The following BRWD1 variants were observed in gnomAD, a reference collection of about 807,000 sequenced individuals.
BRWD1 encodes bromodomain and WD repeat domain containing 1.
A neutral mutation model predicts 251.2 loss-of-function variants in BRWD1; 82 were observed. The observed-to-expected ratio is 0.33, with a 90% CI of 0.27 to 0.39. The LOEUF (loss-of-function observed/expected upper bound fraction) is 0.39, where lower values mean the gene tolerates loss of function less well. Ranked by LOEUF, BRWD1 falls within the 10% of genes least tolerant of loss-of-function variation. The pLI is 1.00. For missense variants in BRWD1, 2,233 were observed against 2,711.6 expected (o/e 0.82, Z 3.92); for synonymous variants, 918 against 902.8 (o/e 1.02, Z -0.30).
chr21:39,184,273 TA>T (rs1175684762), downstream of BRWD1: 7 of 152,208 alleles, frequency 4.6e-5, no homozygotes, highest in Admixed American at 4.6e-4. Context: ...TTTATGAGTG[TA>T]AAAAATAGTG....
chr21:39,255,313 G>A (rs573475509), intron 19 of BRWD1, among the ~76,000 whole-genome samples: 11 of 152,188 alleles, frequency 7.2e-5, no homozygotes, highest in Non-Finnish European at 1.2e-4. Flanking sequence ...TCAGGAGGCT[G>A]AGGCAGGAGA....
chr21:39,217,410 A>G (rs1029654740), intron 31 of BRWD1: 2 of 200,538 alleles, frequency 1.0e-5, no homozygotes, highest in Non-Finnish European at 2.0e-5. Context: ...CACAAAAATT[A>G]TTTTTAAATG....
In BRWD1 at chr21:39,189,791, A is replaced by C; in HGVS notation, c.*6468T>G. ...AAACAGTTTTAGAAATATATATAGGATATTTCAGGGTTAGAAGTCAAATTT... is the reference window on the plus strand; with the variant it reads ...AAACAGTTTTAGAAATATATATAGGCTATTTCAGGGTTAGAAGTCAAATTT... On this transcript the variant is annotated 3_prime_UTR_variant, in exon 41 of 41. Coordinates refer to ENST00000342449, the MANE Select transcript of BRWD1 (RefSeq NM_033656.4). 1.0e-6 allele frequency: 1 copy of C among 985,134 alleles called. No homozygotes were observed. The highest frequency in any genetic ancestry group is 1.7e-5 in the African/African-American group (1 of 57,334). The allele number at this position is 985,134 out of a possible 1,614,324, so 61.0% of individuals were successfully genotyped here.
At position 39,271,408 on chromosome 21, in the gene BRWD1, G is replaced by A. The variant is rs114213477; in HGVS notation, c.1245-975C>T. Among the ~76,000 whole-genome samples, 1,406 of 151,898 alleles carry A rather than the reference G, an allele frequency of 9.3e-3. 22 individuals carry two copies. Among genetic ancestry groups the A allele is most frequent in the African/African-American group, 0.032 (1,341 of 41,408 alleles). On this transcript the variant is annotated intron_variant, in intron 13 of 40. Transcript: ENST00000342449. ...TACGTTTTAAGAAATTACAAGCATC[G>A]GCCGGGCACGGTGGCTCATGCCTGT...
chr21:39,220,303 A>AG (rs921360547), intron 29 of BRWD1, among the ~76,000 whole-genome samples: 6 of 152,146 alleles, frequency 3.9e-5, no homozygotes, highest in Admixed American at 3.3e-4. Context: ...ATGCACAAAA[A>AG]GGCCAGCACC....
chr21:39,210,180 T>G lies in BRWD1; in HGVS notation c.4045-33A>C, dbSNP rs754293548. ...TTAAACACAATATTTAATTCATAGA[T>G]TCATTTCTTGCTTTTAGAAATGTAA... On this transcript the variant is annotated intron_variant, in intron 35 of 40. Transcript: ENST00000342449. The G allele has an allele frequency of 3.9e-6, 6 of 1,523,294 alleles. No individual in the cohort carries two copies. In the South Asian group the frequency reaches 7.4e-5, roughly 19 times the overall value. 94.4% of individuals were successfully genotyped at this position (1,523,294 alleles called of 1,614,324 possible). A position where few individuals can be genotyped will look rare whatever the true frequency, so the allele number is the denominator to read the frequency against.
intron 7 of BRWD1, among the ~76,000 whole-genome samples, chr21:39,294,728 T>C (rs1001085169): frequency 2.6e-5 from 4 of 151,768 alleles, no homozygotes; most frequent in Non-Finnish European, 5.9e-5. Flanking sequence ...GGAACAGATC[T>C]ATACTTCATA....
intron 5 of BRWD1, chr21:39,297,700 T>C (rs1304263031): frequency 2.8e-5 from 8 of 287,778 alleles, no homozygotes; most frequent in Non-Finnish European, 4.2e-5. Flanking sequence ...TTAAGCTTTA[T>C]ACTGGTGGTG....
intron 4 of BRWD1, among the ~76,000 whole-genome samples, chr21:39,303,951 G>A (rs1446691562): frequency 2.0e-5 from 3 of 151,446 alleles, no homozygotes; most frequent in Non-Finnish European, 4.4e-5. Flanking sequence ...AGACCAGCCT[G>A]GCCAACGTGG....
chr21:39,314,545 G>T (rs569306468), upstream of BRWD1: 1 of 348,802 alleles, frequency 2.9e-6, no homozygotes, highest in Non-Finnish European at 5.7e-6. Flanking sequence ...TAGGATGTGA[G>T]GTTGGAGAGG....
rs1331987305 is a variant in BRWD1 at position 39,229,304 on chromosome 21, A to G, written c.3125+8T>C. The G allele has an allele frequency of 1.3e-6, 2 of 1,581,532 alleles. No homozygotes were observed. The highest frequency in any genetic ancestry group is 2.2e-5 in the East Asian group (1 of 44,482). On this transcript the variant is annotated splice_region_variant and intron_variant, in intron 26 of 40. Transcript: ENST00000342449. ...TTAAGTAATTCCATTTTAAAAAATA[A>G]TACATACCTAATAGAGAAAGATTTG...
At chr21:39,285,095 A>G (rs7276559) in intron 8 of BRWD1, among the ~76,000 whole-genome samples, 141,133 of 152,284 alleles carry the variant, frequency 0.93, 65,746 homozygotes, top group African/African-American at 0.97. Context: ...CAGATGAATG[A>G]ACAAAGAAAA....
intron 23 of BRWD1, among the ~76,000 whole-genome samples, chr21:39,233,999 G>A (rs8127379): frequency 0.47 from 71,365 of 152,042 alleles, 16,937 homozygotes; most frequent in Admixed American, 0.53. Flanking sequence ...CAGCCTGGGT[G>A]ACAGAGTAAG....
At chr21:39,258,696 A>G in intron 17 of BRWD1, 24 bp from the exon 18 acceptor site, 1 of 1,459,508 alleles carries the variant, frequency 6.9e-7, no homozygotes, top group Non-Finnish European at 9.1e-7. Context: ...TATTTAATAT[A>G]TAATCATATA....
At chr21:39,205,592 T>C (rs2032348063) in intron 37 of BRWD1, among the ~76,000 whole-genome samples, 1 of 151,874 alleles carries the variant, frequency 6.6e-6, no homozygotes, top group Non-Finnish European at 1.5e-5. Flanking sequence ...GGCAACACGG[T>C]GAAACCCTGT....
At chr21:39,258,309 C>T (rs2146634354) in intron 18 of BRWD1, among the ~76,000 whole-genome samples, 178 bp downstream of exon 18, 1 of 152,232 alleles carries the variant, frequency 6.6e-6, no homozygotes, top group Non-Finnish European at 1.5e-5. Context: ...AATTCAAAGA[C>T]CCATTTGTTA....
Position 39,236,582 on chromosome 21 carries a change from A to G in BRWD1, c.2766+13T>C. 1 of 1,562,706 alleles carries G rather than the reference A, an allele frequency of 6.4e-7. No homozygotes were observed. Among genetic ancestry groups the G allele is most frequent in the Non-Finnish European group, 8.7e-7 (1 of 1,148,894 alleles). On this transcript the variant is annotated intron_variant, in intron 23 of 40. Coordinates refer to ENST00000342449, the MANE Select transcript of BRWD1 (RefSeq NM_033656.4). ...CATGATACATGCTATTTTTAAAGATACGTTTTTCTTACCTCCTTCTTAGGC... is the reference window on the plus strand; with the variant it reads ...CATGATACATGCTATTTTTAAAGATGCGTTTTTCTTACCTCCTTCTTAGGC...
rs761758115 is a variant in BRWD1, at chr21:39,294,049, C to A, written c.610-17G>T. ...ATCTGAACCCTAAGAAAAAATATAT[C>A]CAAAAATTAATGTTAGTACAGCAAA... On this transcript the variant is annotated splice_polypyrimidine_tract_variant and intron_variant, in intron 7 of 40. Coordinates refer to ENST00000342449, the MANE Select transcript of BRWD1 (RefSeq NM_033656.4). The A allele has an allele frequency of 4.7e-5, 75 of 1,596,500 alleles. No individual in the cohort carries two copies. The highest frequency in any genetic ancestry group is 6.3e-5 in the Non-Finnish European group (73 of 1,166,348).
chr21:39,239,457 T>C (rs1034410424), intron 21 of BRWD1, among the ~76,000 whole-genome samples: 1 of 152,232 alleles, frequency 6.6e-6, no homozygotes, highest in Non-Finnish European at 1.5e-5. Flanking sequence ...AAGTTCTCTT[T>C]GCTCCTTTGC....
Sources: gnomAD v4.1 joint callset for allele counts (sites outside exome capture counted in the v4.1 genomes callset) on GRCh38, gnomAD v4.1.1 for gene constraint, MANE v1.5 for transcripts, NCBI Gene and HGNC (gene_info 2026-07-23, HGNC 2026-07-21) for gene names.